Variants in RORA observed in about 807,000 individuals in gnomAD.
RORA encodes the protein RAR related orphan receptor A, also known as nuclear receptor ROR-alpha.
In RORA, 7 loss-of-function variants were observed where a neutral mutation model predicts 69.5. The observed-to-expected ratio is 0.10, with a 90% CI of 0.06 to 0.19. The LOEUF (loss-of-function observed/expected upper bound fraction) is 0.19. Among genes scored for constraint, RORA ranks in the 10% least tolerant of loss-of-function variants. The pLI is 1.00. For synonymous variants in RORA, 261 were observed against 240.8 expected (o/e 1.08, Z -0.78); for missense variants, 457 against 663.0 (o/e 0.69, Z 3.41).
At chr15:60,770,231 G>T (rs1212812781) in intron 1 of RORA, among the ~76,000 whole-genome samples, 1 of 151,848 alleles carries the variant, frequency 6.6e-6, no homozygotes, top group Non-Finnish European at 1.5e-5. Flanking sequence ...TTTTCTTGGA[G>T]AAAAGAGATT....
chr15:60,811,414 G>A (rs1248110024), intron 1 of RORA, among the ~76,000 whole-genome samples: 1 of 152,114 alleles, frequency 6.6e-6, no homozygotes, highest in African/African-American at 2.4e-5. Flanking sequence ...CTGCTTTCCA[G>A]CTCCCAAAAT....
intron 1 of RORA, among the ~76,000 whole-genome samples, chr15:61,059,604 C>T (rs907635705): frequency 6.6e-6 from 1 of 152,096 alleles, no homozygotes; most frequent in Non-Finnish European, 1.5e-5. Flanking sequence ...TTTCTATCAA[C>T]AGAATCTTTC....
intron 1 of RORA, among the ~76,000 whole-genome samples, chr15:60,774,928 A>G (rs2072139587): frequency 6.6e-6 from 1 of 152,168 alleles, no homozygotes; most frequent in Non-Finnish European, 1.5e-5. Flanking sequence ...TCAATTCATG[A>G]TTACTCAACA....
At chr15:60,752,621 AC>A (rs1430342193) in intron 1 of RORA, among the ~76,000 whole-genome samples, 2 of 77,382 alleles carry the variant, frequency 2.6e-5, no homozygotes, top group East Asian at 8.5e-4. Context: ...TGCTCCCCCC[AC>A]CCCCACCCGC....
chr15:60,636,562 A>G, intron 2 of RORA, among the ~76,000 whole-genome samples: 1 of 152,162 alleles, frequency 6.6e-6, no homozygotes, highest in East Asian at 1.9e-4. Context: ...CCAGTACAAG[A>G]CATAGATTTC....
chr15:60,610,298 C>A (rs564315375), intron 2 of RORA, among the ~76,000 whole-genome samples: 10 of 152,174 alleles, frequency 6.6e-5, no homozygotes, highest in African/African-American at 2.4e-4. Flanking sequence ...TAATGCAAGG[C>A]AATGGCAATC....
intron 1 of RORA, among the ~76,000 whole-genome samples, chr15:60,713,552 C>T (rs1355164417): frequency 6.6e-6 from 1 of 152,122 alleles, no homozygotes; most frequent in Non-Finnish European, 1.5e-5. Context: ...TACACGCCCC[C>T]GTACATTCCA....
chr15:61,057,182 G>A (rs1252934508), intron 1 of RORA, among the ~76,000 whole-genome samples: 1 of 152,178 alleles, frequency 6.6e-6, no homozygotes, highest in Non-Finnish European at 1.5e-5. Flanking sequence ...GGAGAGAGAG[G>A]AAGCCTGGGC....
chr15:61,035,816 G>A (rs988435918), intron 1 of RORA, among the ~76,000 whole-genome samples: 5 of 152,186 alleles, frequency 3.3e-5, no homozygotes. Context: ...ACTGGGCAGA[G>A]AGATACAGAG....
chr15:60,560,989 G>GCA (rs929481148), intron 2 of RORA, among the ~76,000 whole-genome samples: 3 of 151,066 alleles, frequency 2.0e-5, no homozygotes, highest in Admixed American at 6.6e-5. Context: ...TCCCACATGA[G>GCA]CACACACACG....
At chr15:60,870,356 T>C (rs973683636) in intron 1 of RORA, among the ~76,000 whole-genome samples, 5 of 152,188 alleles carry the variant, frequency 3.3e-5, no homozygotes, top group Non-Finnish European at 7.4e-5. Context: ...CTAAGAGCTA[T>C]GGACAGCGAT....
At chr15:60,992,680 C>T (rs1305746284) in intron 1 of RORA, among the ~76,000 whole-genome samples, 1 of 139,076 alleles carries the variant, frequency 7.2e-6, no homozygotes, top group Non-Finnish European at 1.6e-5. Flanking sequence ...CCTCTGACAC[C>T]GTGGATGTTT....
intron 1 of RORA, among the ~76,000 whole-genome samples, chr15:61,172,938 T>G (rs1281840900): frequency 6.6e-6 from 1 of 152,194 alleles, no homozygotes; most frequent in East Asian, 1.9e-4. Flanking sequence ...TCAAGCCTCC[T>G]GCGTTATTAC....
At chr15:61,187,361 C>T (rs930163416) in intron 1 of RORA, among the ~76,000 whole-genome samples, 3 of 152,190 alleles carry the variant, frequency 2.0e-5, no homozygotes, top group Non-Finnish European at 4.4e-5. Context: ...GAGTTCCGGA[C>T]TATTAATGGC....
At chr15:60,988,094 A>G (rs188106847) in intron 1 of RORA, among the ~76,000 whole-genome samples, 13 of 152,322 alleles carry the variant, frequency 8.5e-5, no homozygotes, top group Admixed American at 4.6e-4. Context: ...GAATCCATCA[A>G]TACAAAGCTG....
chr15:61,183,038 G>A (rs1037569246), intron 1 of RORA: 1 of 152,276 alleles, frequency 6.6e-6, no homozygotes, highest in Admixed American at 6.5e-5. Flanking sequence ...TGGAATCCTA[G>A]AACAGAGAAA....
At position 60,726,118 on chromosome 15, in the gene RORA, A is replaced by ATAGC. The variant is rs147558464; in HGVS notation, c.167-47436_167-47433dup. Among the ~76,000 whole-genome samples the ATAGC allele has an allele frequency of 9.6e-3, 1,460 of 152,232 alleles. 20 individuals are homozygous for ATAGC. The highest frequency in any genetic ancestry group is 0.033 in the African/African-American group (1,371 of 41,532). ...CCCTTCTACCCATAATTAAGGCCAT[A>ATAGC]TAGCTATTAGGTGATGAGGTTGGGG... On this transcript the variant is annotated intron_variant, in intron 1 of 10. Coordinates refer to ENST00000335670, the MANE Select transcript of RORA (RefSeq NM_134261.3).
intron 1 of RORA, among the ~76,000 whole-genome samples, chr15:60,948,012 G>C (rs1337041721): frequency 6.6e-6 from 1 of 152,184 alleles, no homozygotes; most frequent in Non-Finnish European, 1.5e-5. Flanking sequence ...TGATTTCCTT[G>C]GATGTCATGG....
At chr15:61,123,588 C>T (rs1050050644) in intron 1 of RORA, among the ~76,000 whole-genome samples, 3 of 152,134 alleles carry the variant, frequency 2.0e-5, no homozygotes, top group East Asian at 1.9e-4. Context: ...CTGGAAACAC[C>T]GAGGTAGGCT....
Sources: allele counts gnomAD v4.1 joint callset (sites outside exome capture counted in the v4.1 genomes callset), GRCh38; gene constraint gnomAD v4.1.1; transcripts MANE v1.5; gene names NCBI Gene and HGNC (gene_info 2026-07-23, HGNC 2026-07-21).